The following DLGAP4 variants were observed in gnomAD, a reference collection of about 807,000 sequenced individuals.
The protein encoded by DLGAP4 is DLG associated protein 4.
DLGAP4 carries 18 observed loss-of-function variants against 86.9 expected under a neutral mutation model. The observed-to-expected ratio is 0.21, with a 90% CI of 0.14 to 0.31. The LOEUF is 0.31. Among genes scored for constraint, DLGAP4 ranks in the 10% least tolerant of loss-of-function variants. The pLI is 1.00. For synonymous variants in DLGAP4, 548 were observed against 574.3 expected, an observed-to-expected ratio of 0.95 and a Z score of 0.65; for missense variants, 1,085 against 1,362.6, an observed-to-expected ratio of 0.80 and a Z score of 3.21.
At chr20:36,337,086 C>A (rs1437872014) in intron 1 of DLGAP4, among the ~76,000 whole-genome samples, 1 of 152,116 alleles carries the variant, frequency 6.6e-6, no homozygotes, top group Non-Finnish European at 1.5e-5. Context: ...CGCATTTCCC[C>A]ATGGTGGGTG....
chr20:36,354,546 C>T (rs2030263987), intron 1 of DLGAP4, among the ~76,000 whole-genome samples: 1 of 152,122 alleles, frequency 6.6e-6, no homozygotes, highest in African/African-American at 2.4e-5. Flanking sequence ...CCACTCTGTC[C>T]CCTGACTAGT....
At chr20:36,333,135 G>A (rs1247469407) in intron 1 of DLGAP4, among the ~76,000 whole-genome samples, 2 of 152,086 alleles carry the variant, frequency 1.3e-5, no homozygotes, top group Admixed American at 1.3e-4. Flanking sequence ...AGTTGTGGGG[G>A]CTTCAGAGAC....
intron 5 of DLGAP4, among the ~76,000 whole-genome samples, chr20:36,441,074 T>C (rs2033434294): frequency 6.6e-6 from 1 of 151,872 alleles, no homozygotes; most frequent in Non-Finnish European, 1.5e-5. Flanking sequence ...ACAGCCGTCC[T>C]CCAATCCATA....
intron 2 of DLGAP4, among the ~76,000 whole-genome samples, chr20:36,411,817 G>A (rs371848874): frequency 1.3e-5 from 2 of 151,992 alleles, no homozygotes; most frequent in South Asian, 2.1e-4. Flanking sequence ...TGAATCCCTC[G>A]CCTTTGGCCA....
At chr20:36,490,213 G>A (rs965394792) in intron 7 of DLGAP4, among the ~76,000 whole-genome samples, 10 of 152,098 alleles carry the variant, frequency 6.6e-5, no homozygotes, top group African/African-American at 2.4e-4. Context: ...CTGAAACAGT[G>A]GGAAAGGAGA....
intron 10 of DLGAP4, among the ~76,000 whole-genome samples, chr20:36,509,582 A>AAAT (rs202101394): frequency 6.6e-6 from 1 of 151,814 alleles, no homozygotes; most frequent in Admixed American, 6.6e-5. Flanking sequence ...AAAAATAAAT[A>AAAT]AATAATAATA....
chr20:36,469,625 T>TG (rs770403941), intron 7 of DLGAP4, among the ~76,000 whole-genome samples: 2 of 151,630 alleles, frequency 1.3e-5, no homozygotes, highest in Admixed American at 6.6e-5. Flanking sequence ...TGGTGGAACA[T>TG]GCCTGTAATC....
At chr20:36,469,456 A>G (rs1252133753) in intron 7 of DLGAP4, among the ~76,000 whole-genome samples, 1 of 152,166 alleles carries the variant, frequency 6.6e-6, no homozygotes, top group African/African-American at 2.4e-5. Context: ...ACCGAACTTC[A>G]AAAGTAACAA....
intron 7 of DLGAP4, chr20:36,461,468 G>A (rs1375903715): frequency 2.3e-5 from 23 of 980,856 alleles, no homozygotes; most frequent in Non-Finnish European, 2.7e-5. Context: ...CCCCTCGGGC[G>A]TACAAAACCG....
Position 36,431,786 on chromosome 20 carries a change from G to C in DLGAP4, c.69G>C (p.Leu23=), listed in dbSNP as rs751294648. The C allele has an allele frequency of 6.2e-7, 1 of 1,613,434 alleles. No individual in the cohort carries two copies. Among genetic ancestry groups the C allele is most frequent in the Non-Finnish European group, 8.5e-7 (1 of 1,179,796 alleles). The change falls in exon 3 of 13, where the codon CTG becomes CTC. Residue 23 remains leucine (L), a synonymous_variant. Transcript: ENST00000339266. The surrounding 1 kb of genome is among the most constrained non-coding windows in gnomAD (Gnocchi z 5.1). ...GCCTAGACCCACCCCACGAGCCCCT[G>C]TTTGCAGGGACCGACCGCAACCCCT... is the stretch of plus-strand genomic sequence containing the variant. ...SDSLDPPHEP[L]FAGTDRNPYL...
At chr20:36,515,444 T>A (rs2036981488) in intron 10 of DLGAP4, among the ~76,000 whole-genome samples, 1 of 152,260 alleles carries the variant, frequency 6.6e-6, no homozygotes, top group Non-Finnish European at 1.5e-5. Flanking sequence ...GTAATCAGCA[T>A]ATACCTGGAT....
At chr20:36,321,984 G>C (rs1460143377) in intron 1 of DLGAP4, among the ~76,000 whole-genome samples, 5 of 152,132 alleles carry the variant, frequency 3.3e-5, no homozygotes, top group African/African-American at 1.2e-4. Flanking sequence ...ACCCTGTGGT[G>C]GGCAGAGGGG....
At chr20:36,462,304 G>A in intron 7 of DLGAP4, 2 of 1,336,700 alleles carry the variant, frequency 1.5e-6, no homozygotes, top group Non-Finnish European at 1.9e-6. Context: ...TCAGGTCTCC[G>A]AGCACCCCCA....
rs763239956 is a variant in DLGAP4 at position 36,496,911 on chromosome 20, C to T, written c.1855C>T (p.Pro619Ser). 6.2e-7 allele frequency: 1 copy of T among 1,614,190 alleles called. No individual in the cohort carries two copies. The highest frequency in any genetic ancestry group is 8.5e-7 in the Non-Finnish European group (1 of 1,180,032). ...SDSLDSSTRPPSVTRGGVAPA... is the reference protein window; with the variant it reads ...SDSLDSSTRPSSVTRGGVAPA... ...CAGCCTGGACAGCAGTACCCGACCG[C>T]CCAGCGTGACACGGGGTGGAGTCGC... is the stretch of plus-strand genomic sequence containing the variant. The change falls in exon 8 of 13, where the codon CCC becomes TCC. Residue 619 changes from proline (P) to serine (S), a missense_variant. Coordinates refer to ENST00000339266, the MANE Select transcript of DLGAP4 (RefSeq NM_001365621.2).
At chr20:36,416,401 C>T (rs955503978) in intron 2 of DLGAP4, among the ~76,000 whole-genome samples, 1 of 152,244 alleles carries the variant, frequency 6.6e-6, no homozygotes, top group African/African-American at 2.4e-5. Flanking sequence ...GGATTACAGG[C>T]GTGAGCCACG....
At chr20:36,404,019 G>C (rs1173545568) in intron 2 of DLGAP4, among the ~76,000 whole-genome samples, 1 of 152,202 alleles carries the variant, frequency 6.6e-6, no homozygotes, top group African/African-American at 2.4e-5. Flanking sequence ...GTCACATACT[G>C]TCATTTCCAC....
intron 2 of DLGAP4, among the ~76,000 whole-genome samples, chr20:36,427,989 C>T (rs2033026763): frequency 6.6e-6 from 1 of 151,992 alleles, no homozygotes; most frequent in African/African-American, 2.4e-5. Context: ...AAAATACAAT[C>T]CATAATATGC....
At chr20:36,411,629 C>T (rs1183686750) in intron 2 of DLGAP4, among the ~76,000 whole-genome samples, 3 of 152,184 alleles carry the variant, frequency 2.0e-5, no homozygotes, top group Non-Finnish European at 4.4e-5. Context: ...TTGCTGGCAC[C>T]CATGGCCTTT....
rs149034149 is a variant in DLGAP4, at chr20:36,370,473, G to A, written c.-73+3198G>A. ...TACACTCTAGCCTGGGTGACAGAGTGAGACCCTGTCTCAAAAAAAAAAGTA... is the reference window on the plus strand; with the variant it reads ...TACACTCTAGCCTGGGTGACAGAGTAAGACCCTGTCTCAAAAAAAAAAGTA... On this transcript the variant is annotated intron_variant, in intron 2 of 12. Coordinates refer to ENST00000339266, the MANE Select transcript of DLGAP4 (RefSeq NM_001365621.2). Among the ~76,000 whole-genome samples the A allele has an allele frequency of 6.6e-3, 1,002 of 151,206 alleles. 5 individuals carry two copies. Among genetic ancestry groups the A allele is most frequent in the Non-Finnish European group, 0.01 (694 of 67,792 alleles).
Sources: allele counts gnomAD v4.1 joint callset (sites outside exome capture counted in the v4.1 genomes callset), GRCh38; gene constraint gnomAD v4.1.1; non-coding constraint Gnocchi (gnomAD v3.1); transcripts MANE v1.5; gene names NCBI Gene and HGNC (gene_info 2026-07-23, HGNC 2026-07-21).